RUFY2: variants seen among roughly 807,000 people sequenced by gnomAD.
RUFY2 encodes the protein RUN and FYVE domain containing 2, also known as RUN and FYVE domain-containing protein 2.
RUFY2 carries 49 observed loss-of-function variants against 94.4 expected under a neutral mutation model. That is an observed-to-expected ratio of 0.52 (90% CI 0.41 to 0.66). RUFY2 has a LOEUF of 0.66. Ranked by LOEUF, RUFY2 falls within the 30% of genes least tolerant of loss-of-function variation. RUFY2 has a pLI of 0.00. For missense variants in RUFY2, 541 were observed against 692.8 expected (o/e 0.78, Z 2.46); for synonymous variants, 255 against 235.7 (o/e 1.08, Z -0.75).
chr10:68,390,019 T>C (rs2049859338), intron 7 of RUFY2, among the ~76,000 whole-genome samples: 1 of 152,222 alleles, frequency 6.6e-6, no homozygotes, highest in Admixed American at 6.5e-5. Flanking sequence ...ATGTTCCTTT[T>C]GTGCCTTTTG....
chr10:68,383,579 C>A (rs908021416), intron 10 of RUFY2, among the ~76,000 whole-genome samples: 2 of 152,176 alleles, frequency 1.3e-5, no homozygotes, highest in African/African-American at 4.8e-5. Context: ...AAGATCACAC[C>A]ACTGCACTCC....
chr10:68,379,475 A>G lies in RUFY2; in HGVS notation c.1154T>C (p.Leu385Pro). 1.2e-6 allele frequency: 2 copies of G among 1,613,066 alleles called. No individual in the cohort carries two copies. The highest frequency in any genetic ancestry group is 1.7e-6 in the Non-Finnish European group (2 of 1,179,706). ...LKEKNEIIAR[L>P]EEKTNKITAA... The stretch of plus-strand genomic sequence containing the variant: ...AGTAATTTTATTGGTTTTTTCTTCT[A>G]GTCGGGCAATTATTTCATTTTTTTC... Residue 385 changes from leucine to proline, a missense_variant, in exon 12 of 18, where the codon CTA (leucine) becomes CCA (proline). Around this residue, in one of 3 missense-constraint regions of RUFY2, gnomAD observed 403 missense variants for 480.7 expected, o/e 0.84. Coordinates refer to ENST00000602465, the MANE Select transcript of RUFY2 (RefSeq NM_001330103.2).
rs181985363 is a variant in RUFY2 at position 68,358,991 on chromosome 10, G to T, written c.1551-3590C>A. Reference sequence around the variant, plus strand: ...TTTAAATGCTCTTATTCATAAATAAGGACTCAAAAAAGACGGCCTCTCTAT... The same window carrying T: ...TTTAAATGCTCTTATTCATAAATAATGACTCAAAAAAGACGGCCTCTCTAT... On this transcript the variant is annotated intron_variant, in intron 15 of 17. Transcript: ENST00000602465. 2.4e-3 allele frequency among the ~76,000 whole-genome samples: 359 copies of T among 152,192 alleles called. 3 individuals are homozygous for T. The highest frequency in any genetic ancestry group is 8.8e-3 in the Admixed American group (134 of 15,272).
chr10:68,406,981 C>T, intron 1 of RUFY2: 4 of 1,529,868 alleles, frequency 2.6e-6, no homozygotes, highest in Middle Eastern at 1.7e-4. Flanking sequence ...CGGGCGGGAA[C>T]GGGCCGGAAC....
intron 10 of RUFY2, among the ~76,000 whole-genome samples, chr10:68,383,206 T>A (rs761695785): frequency 6.6e-6 from 1 of 151,746 alleles, no homozygotes; most frequent in Non-Finnish European, 1.5e-5. Context: ...ATGCCTGTAG[T>A]CCCAGCTACT....
chr10:68,355,939 A>G (rs1234162745), intron 15 of RUFY2, among the ~76,000 whole-genome samples: 1 of 151,720 alleles, frequency 6.6e-6, no homozygotes, highest in African/African-American at 2.4e-5. Flanking sequence ...GAAAAAAAAG[A>G]AATATTGGCA....
At chr10:68,354,709 T>C (rs943926976) in intron 16 of RUFY2, among the ~76,000 whole-genome samples, 2 of 152,222 alleles carry the variant, frequency 1.3e-5, no homozygotes, top group Non-Finnish European at 2.9e-5. Flanking sequence ...TCAATGAGGA[T>C]ACATGACTTG....
chr10:68,376,907 C>A lies in RUFY2; in HGVS notation c.1271G>T (p.Cys424Phe). ...EDEDEKYLQE[C>F]LSKSDSLQKQ... Reference sequence around the variant, plus strand: ...CTGCAGACTATCAGATTTACTGAGACATTCTTGTAGATATTTCTCATCCTC... The same window carrying A: ...CTGCAGACTATCAGATTTACTGAGAAATTCTTGTAGATATTTCTCATCCTC... Residue 424 changes from cysteine to phenylalanine, a missense_variant, in exon 13 of 18, where the codon TGT (cysteine) becomes TTT (phenylalanine). Around this residue, in one of 3 missense-constraint regions of RUFY2, gnomAD observed 403 missense variants for 480.7 expected, o/e 0.84. Coordinates refer to ENST00000602465, the MANE Select transcript of RUFY2 (RefSeq NM_001330103.2). 1 of 1,613,424 alleles carries A rather than the reference C, an allele frequency of 6.2e-7. No homozygotes were observed. Among genetic ancestry groups the A allele is most frequent in the Non-Finnish European group, 8.5e-7 (1 of 1,179,570 alleles).
intron 3 of RUFY2, among the ~76,000 whole-genome samples, chr10:68,397,149 A>C (rs929257099): frequency 3.3e-5 from 5 of 152,222 alleles, no homozygotes; most frequent in African/African-American, 1.2e-4. Context: ...ACTTTCAGAA[A>C]AATGCGTTGT....
rs1394379699 is a variant in RUFY2 at position 68,401,607 on chromosome 10, T to C, written c.296+13A>G. On this transcript the variant is annotated intron_variant, in intron 3 of 17. Transcript: ENST00000602465. The stretch of plus-strand genomic sequence containing the variant: ...TCTGTGGCTAGGGATGAACAAGTAA[T>C]AGGCCTCCTTACTTCAGACCAGGTA... The C allele has an allele frequency of 3.3e-6, 5 of 1,499,948 alleles. No homozygotes were observed. The highest frequency in any genetic ancestry group is 1.7e-5 in the Admixed American group (1 of 59,814). The allele number at this position is 1,499,948 out of a possible 1,614,324, so 92.9% of individuals were successfully genotyped here. A position where few individuals can be genotyped will look rare whatever the true frequency, so the allele number is the denominator to read the frequency against.
chr10:68,393,112 A>C (rs1223520978), intron 7 of RUFY2, 26 bp downstream of exon 7: 4 of 1,279,506 alleles, frequency 3.1e-6, no homozygotes, highest in Non-Finnish European at 4.4e-6. Context: ...ATATTCATAA[A>C]TGTGCTAAGT....
chr10:68,384,199 T>C (rs2049305855), intron 8 of RUFY2, 47 bp from the exon 9 acceptor site: 1 of 1,553,074 alleles, frequency 6.4e-7, no homozygotes, highest in East Asian at 2.3e-5. Context: ...AACACCCTTA[T>C]ACTTGCTTTG....
intron 7 of RUFY2, among the ~76,000 whole-genome samples, chr10:68,388,279 A>ATGG (rs2049678983): frequency 6.6e-6 from 1 of 151,984 alleles, no homozygotes; most frequent in Non-Finnish European, 1.5e-5. Context: ...CCTGACCAAC[A>ATGG]TGGTGAAACC....
rs952440869 is a variant in RUFY2 at position 68,362,782 on chromosome 10, G to GA, written c.1550+807dup. Among the ~76,000 whole-genome samples the GA allele has an allele frequency of 7.3e-3, 1,013 of 138,294 alleles. 16 individuals carry two copies. The highest frequency in any genetic ancestry group is 0.023 in the African/African-American group (867 of 37,812). 90.7% of individuals were successfully genotyped at this position (138,294 alleles called of 152,430 possible). On this transcript the variant is annotated intron_variant, in intron 15 of 17. Transcript: ENST00000602465. ...CCTGCCTAGGCGAGACCCTGTCTTT[G>GA]AAAAAAAAAAAAGGAAATGAAAGAA... is the stretch of plus-strand genomic sequence containing the variant.
At chr10:68,355,541 G>A (rs1358562617) in intron 15 of RUFY2, 140 bp from the exon 16 acceptor site, 1 of 493,652 alleles carries the variant, frequency 2.0e-6, no homozygotes. Context: ...CTGGCTAGTG[G>A]AATATTTCAT....
Position 68,343,474 on chromosome 10 carries a change from G to T in RUFY2, c.*2294C>A, listed in dbSNP as rs1295544901. 1 of 152,512 alleles carries T rather than the reference G, an allele frequency of 6.6e-6. No individual in the cohort carries two copies. The highest frequency in any genetic ancestry group is 2.4e-5 in the African/African-American group (1 of 41,426). 9.4% of individuals were successfully genotyped at this position (152,512 alleles called of 1,614,324 possible). On this transcript the variant is annotated 3_prime_UTR_variant, in exon 18 of 18. Transcript: ENST00000602465. ...CTCTTAACATCTTAAAGCAGTAAAA[G>T]TATACAGTATTAATGAAACCAAAAT... is the stretch of plus-strand genomic sequence containing the variant.
At chr10:68,393,606 G>T (rs1197719972) in intron 6 of RUFY2, among the ~76,000 whole-genome samples, 1 of 151,882 alleles carries the variant, frequency 6.6e-6, no homozygotes, top group East Asian at 1.9e-4. Context: ...GCGGGTGCCT[G>T]TAATTCCAGC....
intron 15 of RUFY2, among the ~76,000 whole-genome samples, chr10:68,357,457 G>GA (rs1252857769): frequency 6.6e-6 from 1 of 151,910 alleles, no homozygotes; most frequent in African/African-American, 2.4e-5. Flanking sequence ...TCAAACTCCT[G>GA]ACCTCAGGTG....
At chr10:68,405,207 G>A (rs1395770663) in intron 1 of RUFY2, among the ~76,000 whole-genome samples, 2 of 151,464 alleles carry the variant, frequency 1.3e-5, no homozygotes, top group Non-Finnish European at 2.9e-5. Flanking sequence ...CAGCTACTCG[G>A]GAGGCTGAAG....
Sources: allele counts gnomAD v4.1 joint callset (sites outside exome capture counted in the v4.1 genomes callset), GRCh38; gene constraint gnomAD v4.1.1; regional missense constraint gnomAD v4.1.1; transcripts MANE v1.5; gene names NCBI Gene and HGNC (gene_info 2026-07-23, HGNC 2026-07-21).